ADGRG5: variants seen among roughly 807,000 people sequenced by gnomAD.
ADGRG5 encodes G protein-coupled receptor 114.
A neutral mutation model predicts 53.2 loss-of-function variants in ADGRG5; 37 were observed. The observed-to-expected ratio is 0.70, with a 90% confidence interval of 0.53 to 0.91. The LOEUF (loss-of-function observed/expected upper bound fraction) is 0.91. Among genes scored for constraint, ADGRG5 ranks in the 40% least tolerant of loss-of-function variants. The pLI is 0.00. For missense variants in ADGRG5, 614 were observed against 675.8 expected (o/e 0.91, Z 1.01); for synonymous variants, 277 against 290.4 (o/e 0.95, Z 0.47).
At chr16:57,536,482 C>T in the ADGRG5 span, 6 of 152,756 alleles carry the variant, frequency 3.9e-5, no homozygotes, top group African/African-American at 1.4e-4. Context: ...CGCCCCCCGG[C>T]CTGCCGCCCC....
At chr16:57,530,753 G>T in the ADGRG5 span, among the ~76,000 whole-genome samples, 1 of 151,946 alleles carries the variant, frequency 6.6e-6, no homozygotes, top group African/African-American at 2.4e-5. Context: ...TACCCCTGCT[G>T]AAGTGTCTCC....
At position 57,547,725 on chromosome 16, in the gene ADGRG5, G is replaced by A. The variant is rs569185053; in HGVS notation, c.-39+5024G>A. Among the ~76,000 whole-genome samples the A allele has an allele frequency of 7.9e-5, 12 of 152,256 alleles. No homozygotes were observed. In the East Asian group the frequency reaches 2.3e-3, roughly 29 times the overall value. ...GCCTCCCAGAGTGCTGGGATTACAGGCGTGAGCCACTGCGCCCAGCCTGTT... is the reference window on the plus strand; with the variant it reads ...GCCTCCCAGAGTGCTGGGATTACAGACGTGAGCCACTGCGCCCAGCCTGTT... On this transcript the variant is annotated intron_variant, in intron 1 of 11. Coordinates refer to ENST00000349457, the MANE Select transcript of ADGRG5 (RefSeq NM_001304376.3).
chr16:57,570,008 T>C (rs991979888), intron 9 of ADGRG5, among the ~76,000 whole-genome samples: 4 of 150,366 alleles, frequency 2.7e-5, no homozygotes, highest in Non-Finnish European at 5.9e-5. Flanking sequence ...TTCACCACCA[T>C]CACCACCTAC....
rs185232455 is a variant in ADGRG5 at position 57,557,952 on chromosome 16, A to G, written c.-38-4104A>G. ...ATATGATAGTTCCAACATTTTGGCC[A>G]TCTCTAAGATCTGGTTCTGTATGTC... On this transcript the variant is annotated intron_variant, in intron 1 of 11. Coordinates refer to ENST00000349457, the MANE Select transcript of ADGRG5 (RefSeq NM_001304376.3). Among the ~76,000 whole-genome samples the G allele has an allele frequency of 2.6e-5, 4 of 152,302 alleles. No individual in the cohort carries two copies. In the East Asian group the frequency reaches 5.8e-4, roughly 22 times the overall value.
At chr16:57,544,530 G>C (rs2032570304) in intron 1 of ADGRG5, among the ~76,000 whole-genome samples, 1 of 152,128 alleles carries the variant, frequency 6.6e-6, no homozygotes, top group Non-Finnish European at 1.5e-5. Flanking sequence ...TGTGTGGTAG[G>C]GTCAGGCTTT....
chr16:57,563,044 AC>A (rs753926732), intron 3 of ADGRG5, 46 bp from the exon 4 acceptor site: 1 of 1,610,008 alleles, frequency 6.2e-7, no homozygotes, highest in Non-Finnish European at 8.5e-7. Flanking sequence ...TCTCACCCTT[AC>A]CCCACTCCGG....
At chr16:57,536,269 C>G in the ADGRG5 span, among the ~76,000 whole-genome samples, 2 of 152,094 alleles carry the variant, frequency 1.3e-5, no homozygotes, top group Non-Finnish European at 1.5e-5. Context: ...CCCCATCACC[C>G]CGCGGCCCCT....
Position 57,568,088 on chromosome 16 carries a change from C to T in ADGRG5, c.1054C>T (p.Arg352Cys), listed in dbSNP as rs192608331. The change falls in exon 9 of 12, where the codon CGC (arginine) becomes TGC (cysteine). Residue 352 changes from arginine (R) to cysteine (C), a missense_variant. Arg to Cys is a radical substitution (Grantham distance 180, BLOSUM62 -3). Transcript: ENST00000349457. ...LLGRVYNIYI[R>C]RYVFKLGVLG... ...CGGGCGTGTCTACAACATCTACATC[C>T]GCAGATATGTGTTCAAGCTTGGTGT... is the stretch of plus-strand genomic sequence containing the variant. 870 of 1,613,952 alleles carry T rather than the reference C, an allele frequency of 5.4e-4. 7 individuals carry two copies. The highest frequency in any genetic ancestry group is 3.8e-3 in the South Asian group (344 of 91,078).
At chr16:57,555,056 T>C (rs1252310684) in intron 1 of ADGRG5, among the ~76,000 whole-genome samples, 2 of 152,206 alleles carry the variant, frequency 1.3e-5, no homozygotes, top group African/African-American at 2.4e-5. Flanking sequence ...TTAATCCTTT[T>C]ATATTTATTG....
Position 57,574,954 on chromosome 16 carries a change from G to C in ADGRG5, c.1348G>C (p.Val450Leu). 1 of 1,613,672 alleles carries C rather than the reference G, an allele frequency of 6.2e-7. No individual in the cohort carries two copies. The highest frequency in any genetic ancestry group is 1.7e-5 in the Admixed American group (1 of 60,010). Residue 450 changes from valine (V) to leucine (L), a missense_variant, in exon 11 of 12, where the codon GTC (valine) becomes CTC (leucine). By Grantham distance (32) the Val-to-Leu change is conservative (BLOSUM62 1). Coordinates refer to ENST00000349457, the MANE Select transcript of ADGRG5 (RefSeq NM_001304376.3). This position sits in a 1 kb window ranked among gnomAD's most constrained non-coding sequence, Gnocchi z 4.4. ...RLRERADAPS[V>L]RACHDTVTVL... ...GCGGGAGCGGGCGGATGCACCAAGTGTCAGGGCCTGCCATGACACTGTCAC... is the reference window on the plus strand; with the variant it reads ...GCGGGAGCGGGCGGATGCACCAAGTCTCAGGGCCTGCCATGACACTGTCAC...
chr16:57,574,490 G>A lies in ADGRG5; in HGVS notation c.1209-325G>A, dbSNP rs1291320678. On this transcript the variant is annotated intron_variant, in intron 10 of 11. Coordinates refer to ENST00000349457, the MANE Select transcript of ADGRG5 (RefSeq NM_001304376.3). The surrounding 1 kb of genome is among the most constrained non-coding windows in gnomAD (Gnocchi z 4.4). The stretch of plus-strand genomic sequence containing the variant: ...AGAAGATGGGGCATGCCGGCCTTGG[G>A]CTGGCCATGGAAGCAGAGAGGAGTG... Among the ~76,000 whole-genome samples the A allele has an allele frequency of 6.6e-6, 1 of 152,266 alleles. No individual in the cohort carries two copies. Among genetic ancestry groups the A allele is most frequent in the Non-Finnish European group, 1.5e-5 (1 of 68,050 alleles).
At chr16:57,532,160 C>G in the ADGRG5 span, among the ~76,000 whole-genome samples, 6 of 152,202 alleles carry the variant, frequency 3.9e-5, no homozygotes, top group Admixed American at 3.9e-4. Flanking sequence ...CCTTCAGATT[C>G]ACCCAGACAC....
intron 10 of ADGRG5, among the ~76,000 whole-genome samples, chr16:57,572,152 T>A (rs2146837322): frequency 6.6e-6 from 1 of 151,608 alleles, no homozygotes; most frequent in East Asian, 1.9e-4. Context: ...ACTATGTATA[T>A]ACACATTCCT....
chr16:57,555,637 T>C (rs2032866313), intron 1 of ADGRG5, among the ~76,000 whole-genome samples: 1 of 152,248 alleles, frequency 6.6e-6, no homozygotes, highest in Non-Finnish European at 1.5e-5. Context: ...ACTCTGTTAT[T>C]AGGTGCACAC....
intron 9 of ADGRG5, among the ~76,000 whole-genome samples, chr16:57,569,991 T>C (rs960758866): frequency 4.4e-4 from 50 of 113,198 alleles, no homozygotes; most frequent in African/African-American, 1.8e-3. Context: ...TCATTTTCTC[T>C]ACCTCCTTCA....
At chr16:57,572,414 G>A (rs902040552) in intron 10 of ADGRG5, among the ~76,000 whole-genome samples, 1 of 152,224 alleles carries the variant, frequency 6.6e-6, no homozygotes, top group African/African-American at 2.4e-5. Context: ...GGTGGAGCTT[G>A]CAGTGAGCTG....
In ADGRG5 at chr16:57,570,412, C is replaced by T. The variant is rs761440784; in HGVS notation, c.1091-6C>T. ...ACATCTCCTGAGCCTTTGTCCCACC[C>T]CTCAGGGGCCCCAGCCCTCCTGGTG... On this transcript the variant is annotated splice_region_variant and splice_polypyrimidine_tract_variant and intron_variant, in intron 9 of 11. Coordinates refer to ENST00000349457, the MANE Select transcript of ADGRG5 (RefSeq NM_001304376.3). 1 of 1,604,444 alleles carries T rather than the reference C, an allele frequency of 6.2e-7. No individual in the cohort carries two copies. The highest frequency in any genetic ancestry group is 1.1e-5 in the South Asian group (1 of 90,852).
rs2033058820 is a variant in ADGRG5, at chr16:57,563,645, A to G, written c.298-203A>G. ...TCCATCTTCAGGGGTTCAGTGGGTC[A>G]GGTAAACATCCAAAACTCAGGAACA... On this transcript the variant is annotated intron_variant, in intron 4 of 11. Transcript: ENST00000349457. 3.3e-5 allele frequency among the ~76,000 whole-genome samples: 5 copies of G among 152,200 alleles called. No individual in the cohort carries two copies. In the South Asian group the frequency reaches 1.0e-3, roughly 32 times the overall value.
At chr16:57,569,202 C>T (rs2033254347) in intron 9 of ADGRG5, among the ~76,000 whole-genome samples, 1 of 151,676 alleles carries the variant, frequency 6.6e-6, no homozygotes, top group Admixed American at 6.6e-5. Context: ...CCACCTCCAC[C>T]ACCTCCTCCA....
Sources: allele counts gnomAD v4.1 joint callset (sites outside exome capture counted in the v4.1 genomes callset), GRCh38; gene constraint gnomAD v4.1.1; non-coding constraint Gnocchi (gnomAD v3.1); transcripts MANE v1.5; gene names NCBI Gene and HGNC (gene_info 2026-07-23, HGNC 2026-07-21).